The following GARRE1 variants were observed in gnomAD, a reference collection of about 807,000 sequenced individuals.
The protein encoded by GARRE1 is granule associated Rac and RHOG effector protein 1.
A neutral mutation model predicts 103.2 loss-of-function variants in GARRE1; 49 were observed. The observed-to-expected ratio is 0.47, with a 90% confidence interval of 0.38 to 0.60. The LOEUF is 0.60. GARRE1 is among the 20% of genes least tolerant of loss of function. The pLI is 0.00. For synonymous variants in GARRE1, 505 were observed against 532.8 expected, an observed-to-expected ratio of 0.95 and a Z score of 0.72; for missense variants, 1,199 against 1,370.5, an observed-to-expected ratio of 0.87 and a Z score of 1.98.
chr19:34,307,484 A>G (rs1313618369), intron 2 of GARRE1, among the ~76,000 whole-genome samples: 4 of 151,050 alleles, frequency 2.6e-5, no homozygotes, highest in African/African-American at 9.7e-5. Flanking sequence ...AGTATTTACC[A>G]TCTTGTGAAT....
intron 1 of GARRE1, among the ~76,000 whole-genome samples, chr19:34,263,303 T>G (rs554820097): frequency 8.0e-6 from 1 of 125,052 alleles, no homozygotes; most frequent in African/African-American, 2.9e-5. Context: ...TAGATAGATA[T>G]ACATGAAATA....
intron 3 of GARRE1, among the ~76,000 whole-genome samples, chr19:34,320,727 C>CTT (rs796776026): frequency 9.4e-4 from 135 of 143,294 alleles, no homozygotes; most frequent in African/African-American, 3.3e-3. Context: ...TTTTCTTTTT[C>CTT]TTTTTTTTTT....
intron 2 of GARRE1, among the ~76,000 whole-genome samples, chr19:34,302,020 C>T (rs180708714): frequency 0.02 from 1,907 of 94,164 alleles, 23 homozygotes; most frequent in South Asian, 0.033. Context: ...AAGTCAGTTT[C>T]GCTCTTGTTG....
At chr19:34,304,579 T>C (rs1327218711) in intron 2 of GARRE1, among the ~76,000 whole-genome samples, 1 of 151,580 alleles carries the variant, frequency 6.6e-6, no homozygotes, top group East Asian at 2.0e-4. Context: ...GGTTTCACCA[T>C]GTTGACTAGG....
Position 34,342,373 on chromosome 19 carries a change from T to C in GARRE1, c.2439T>C (p.Pro813=), listed in dbSNP as rs199573444. The part of the protein sequence containing the change: ...SEVLGQKPQG[P]RNNTWPNRDQ... ...TTCTGGGACAGAAGCCGCAGGGACCTAGAAATAACACCTGGCCCAACCGTG... is the reference window on the plus strand; with the variant it reads ...TTCTGGGACAGAAGCCGCAGGGACCCAGAAATAACACCTGGCCCAACCGTG... The change falls in exon 10 of 14, where the codon CCT becomes CCC. Residue 813 remains proline (P), a synonymous_variant. Transcript: ENST00000299505. The C allele has an allele frequency of 1.2e-6, 2 of 1,614,052 alleles. No individual in the cohort carries two copies. Among genetic ancestry groups the C allele is most frequent in the Non-Finnish European group, 1.7e-6 (2 of 1,180,044 alleles).
intron 2 of GARRE1, among the ~76,000 whole-genome samples, chr19:34,308,491 C>T (rs1408703421): frequency 2.0e-5 from 3 of 152,102 alleles, no homozygotes; most frequent in Non-Finnish European, 4.4e-5. Flanking sequence ...TCTGCTATTA[C>T]CTAAATTGTC....
intron 3 of GARRE1, among the ~76,000 whole-genome samples, chr19:34,321,050 C>CTTTTTTTTTT (rs33942697): frequency 3.6e-5 from 2 of 55,734 alleles, no homozygotes; most frequent in Non-Finnish European, 5.7e-5. Flanking sequence ...AGACAAGATT[C>CTTTTTTTTTT]TTTTTTTTTT....
chr19:34,315,732 AGGG>A (rs2074057499), intron 2 of GARRE1, among the ~76,000 whole-genome samples: 1 of 150,188 alleles, frequency 6.7e-6, no homozygotes, highest in Non-Finnish European at 1.5e-5. Context: ...AAAAAAAAAA[AGGG>A]TAGTTTTTTG....
Position 34,330,203 on chromosome 19 carries a change from G to A in GARRE1, c.1119G>A (p.Gln373=), listed in dbSNP as rs1158085453. The A allele has an allele frequency of 1.2e-6, 2 of 1,614,006 alleles. No individual in the cohort carries two copies. The highest frequency in any genetic ancestry group is 1.7e-5 in the Admixed American group (1 of 60,014). ...TCAATCTATAGCATACAATGTTACA[G>A]CTGATGAAGGAGGCAGGCTGCTATA... ...NLKLKTHTML[Q]LMKEAGCYNG... The change falls in exon 7 of 14, where the codon CAG becomes CAA. Residue 373 remains glutamine, a synonymous_variant. Transcript: ENST00000299505.
At chr19:34,275,761 G>T (rs1016947986) in intron 1 of GARRE1, among the ~76,000 whole-genome samples, 1 of 152,092 alleles carries the variant, frequency 6.6e-6, no homozygotes, top group Non-Finnish European at 1.5e-5. Context: ...TTTCTTGGTT[G>T]TGTGGTAATT....
chr19:34,284,368 G>A (rs1337264700), intron 1 of GARRE1, among the ~76,000 whole-genome samples: 1 of 151,958 alleles, frequency 6.6e-6, no homozygotes, highest in Non-Finnish European at 1.5e-5. Context: ...CAAGTGATCT[G>A]CCCGTCTCAG....
intron 10 of GARRE1, among the ~76,000 whole-genome samples, chr19:34,346,665 G>A (rs567641855): frequency 1.1e-4 from 16 of 152,268 alleles, no homozygotes; most frequent in African/African-American, 2.2e-4. Flanking sequence ...CACCCAGGCC[G>A]GAGTGCAATA....
chr19:34,259,560 C>T (rs989415007), intron 1 of GARRE1, among the ~76,000 whole-genome samples: 19 of 152,172 alleles, frequency 1.2e-4, no homozygotes, highest in Non-Finnish European at 1.5e-5. Context: ...AGGGGAGTCA[C>T]CAAGTAACCT....
Position 34,349,075 on chromosome 19 carries a change from A to G in GARRE1, c.2747A>G (p.Glu916Gly). 6.2e-7 allele frequency: 1 copy of G among 1,612,792 alleles called. No individual in the cohort carries two copies. The highest frequency in any genetic ancestry group is 8.5e-7 in the Non-Finnish European group (1 of 1,179,982). The change falls in exon 12 of 14, where the codon GAG becomes GGG. Residue 916 changes from glutamate to glycine, a missense_variant. Coordinates refer to ENST00000299505, the MANE Select transcript of GARRE1 (RefSeq NM_014686.5). ...AQGDSASSSD[E>G]TSSANGDSLF... ...GGAGACTCTGCCAGCTCGAGTGATGAGACATCCTCAGCCAACGGGGACAGC... is the reference window on the plus strand; with the variant it reads ...GGAGACTCTGCCAGCTCGAGTGATGGGACATCCTCAGCCAACGGGGACAGC...
intron 1 of GARRE1, among the ~76,000 whole-genome samples, chr19:34,258,481 A>G (rs949194879): frequency 1.3e-5 from 2 of 152,074 alleles, no homozygotes; most frequent in African/African-American, 4.8e-5. Context: ...TGCTTTCTCC[A>G]GGTGAAGAAA....
At chr19:34,309,710 T>C (rs1366858910) in intron 2 of GARRE1, among the ~76,000 whole-genome samples, 1 of 152,152 alleles carries the variant, frequency 6.6e-6, no homozygotes, top group Admixed American at 6.6e-5. Context: ...TTTGGACCTT[T>C]TCCAAGTTTG....
At chr19:34,351,473 G>T in intron 12 of GARRE1, 41 bp from the exon 13 acceptor site, 1 of 1,489,968 alleles carries the variant, frequency 6.7e-7, no homozygotes, top group Non-Finnish European at 9.4e-7. Flanking sequence ...GGCTGGGCAG[G>T]AAGCCAAGCA....
chr19:34,270,940 C>T (rs373648277), intron 1 of GARRE1, among the ~76,000 whole-genome samples: 2 of 152,108 alleles, frequency 1.3e-5, no homozygotes, highest in African/African-American at 4.8e-5. Flanking sequence ...TGGATGCTAC[C>T]CACTAGCACT....
chr19:34,318,199 CA>C (rs1292601385), intron 2 of GARRE1, among the ~76,000 whole-genome samples: 23 of 152,312 alleles, frequency 1.5e-4, no homozygotes, highest in African/African-American at 5.3e-4. Context: ...CAAGAAGAAA[CA>C]GCTCTGACTC....
Sources: gnomAD v4.1 joint callset for allele counts (sites outside exome capture counted in the v4.1 genomes callset) on GRCh38, gnomAD v4.1.1 for gene constraint, MANE v1.5 for transcripts, NCBI Gene and HGNC (gene_info 2026-07-23, HGNC 2026-07-21) for gene names.